CELF4: variants seen among roughly 807,000 people sequenced by gnomAD.
CELF4 encodes the protein CUGBP Elav-like family member 4.
A neutral mutation model predicts 59.9 loss-of-function variants in CELF4; 18 were observed. That is an observed-to-expected ratio of 0.30 (90% CI 0.21 to 0.45). The LOEUF (loss-of-function observed/expected upper bound fraction) is 0.45, where lower values mean the gene tolerates loss of function less well. CELF4 is among the 20% of genes least tolerant of loss of function. The pLI, the probability that CELF4 is intolerant of heterozygous loss-of-function variation, is 1.00. For synonymous variants in CELF4, 261 were observed against 267.1 expected (o/e 0.98, Z 0.22); for missense variants, 456 against 689.0 (o/e 0.66, Z 3.79).
chr18:37,520,640 G>A (rs1364729062), intron 1 of CELF4, among the ~76,000 whole-genome samples: 1 of 152,158 alleles, frequency 6.6e-6, no homozygotes, highest in Non-Finnish European at 1.5e-5. Context: ...TGTCTAGCTG[G>A]CTGGTTCCCG....
chr18:37,398,549 G>A (rs1007005068), intron 2 of CELF4, among the ~76,000 whole-genome samples: 9 of 152,262 alleles, frequency 5.9e-5, no homozygotes, highest in African/African-American at 2.2e-4. Context: ...GAGGCCACTG[G>A]CCCGTCAAAG....
At chr18:37,408,454 A>G (rs1032048206) in intron 2 of CELF4, among the ~76,000 whole-genome samples, 28 of 129,184 alleles carry the variant, frequency 2.2e-4, no homozygotes, top group African/African-American at 7.3e-4. Context: ...GGAAAAATCA[A>G]GAAGGTTTTT....
intron 2 of CELF4, among the ~76,000 whole-genome samples, chr18:37,394,219 C>T (rs963393756): frequency 1.3e-5 from 2 of 152,168 alleles, no homozygotes. Context: ...CCACCTCCCA[C>T]TCTGGACAGG....
At chr18:37,424,243 A>T (rs1313937948) in intron 2 of CELF4, among the ~76,000 whole-genome samples, 1 of 152,156 alleles carries the variant, frequency 6.6e-6, no homozygotes, top group African/African-American at 2.4e-5. Flanking sequence ...CTTATCTAAC[A>T]TGCTGGTAGA....
intron 2 of CELF4, among the ~76,000 whole-genome samples, chr18:37,453,590 G>A (rs969167334): frequency 1.3e-5 from 2 of 152,192 alleles, no homozygotes; most frequent in Admixed American, 6.5e-5. Context: ...GATTTCCATG[G>A]AGAGAGGTCA....
At chr18:37,313,938 G>A (rs2096769532) in intron 3 of CELF4, among the ~76,000 whole-genome samples, 1 of 152,208 alleles carries the variant, frequency 6.6e-6, no homozygotes, top group Admixed American at 6.5e-5. Context: ...ATGGTGAGGG[G>A]GGATGCCCTG....
rs1435122467 is a variant in CELF4 at position 37,304,782 on chromosome 18, G to A, written c.448+17021C>T. On this transcript the variant is annotated intron_variant, in intron 3 of 12. Transcript: ENST00000420428. ...GCTTCCTTTCGGGGGAAGTAGAAGCGGAGCACCCAACTAAGCAGTGCTGCC... is the reference window on the plus strand; with the variant it reads ...GCTTCCTTTCGGGGGAAGTAGAAGCAGAGCACCCAACTAAGCAGTGCTGCC... 3.9e-5 allele frequency among the ~76,000 whole-genome samples: 6 copies of A among 152,304 alleles called. No individual in the cohort carries two copies. The South Asian group carries it at 6.2e-4, about 16-fold the overall frequency.
chr18:37,333,028 C>T (rs2097604022), intron 2 of CELF4, among the ~76,000 whole-genome samples: 1 of 152,230 alleles, frequency 6.6e-6, no homozygotes. Flanking sequence ...GGGTCGCTAA[C>T]CCTCTTCAGG....
At chr18:37,340,241 G>A (rs1043451684) in intron 2 of CELF4, among the ~76,000 whole-genome samples, 2 of 152,232 alleles carry the variant, frequency 1.3e-5, no homozygotes, top group Non-Finnish European at 2.9e-5. Flanking sequence ...GAAATGCCAC[G>A]TTAAGTGAGA....
In CELF4 at chr18:37,467,693, A is replaced by C. The variant is rs77690443; in HGVS notation, c.369+17832T>G. 4.6e-3 allele frequency among the ~76,000 whole-genome samples: 696 copies of C among 152,332 alleles called. 9 individuals carry two copies. The highest frequency in any genetic ancestry group is 0.016 in the African/African-American group (674 of 41,582). On this transcript the variant is annotated intron_variant, in intron 2 of 12. Transcript: ENST00000420428. Reference sequence around the variant, plus strand: ...CCAAGTCACACAGCTGCCAGAGTTCAGACAGATGCTGTGATTAGCATTTTA... The same window carrying C: ...CCAAGTCACACAGCTGCCAGAGTTCCGACAGATGCTGTGATTAGCATTTTA...
chr18:37,460,576 G>A (rs2154602130), intron 2 of CELF4, among the ~76,000 whole-genome samples: 1 of 152,284 alleles, frequency 6.6e-6, no homozygotes, highest in East Asian at 1.9e-4. Context: ...AAGAAACTGA[G>A]CTCTAGATAT....
At chr18:37,472,580 G>C (rs2099836529) in intron 2 of CELF4, among the ~76,000 whole-genome samples, 1 of 152,264 alleles carries the variant, frequency 6.6e-6, no homozygotes, top group Non-Finnish European at 1.5e-5. Flanking sequence ...ACTGCTCCTG[G>C]ATGAAAGAAC....
intron 8 of CELF4, among the ~76,000 whole-genome samples, chr18:37,269,846 A>G (rs929254648): frequency 3.3e-5 from 5 of 152,182 alleles, no homozygotes; most frequent in African/African-American, 4.8e-5. Context: ...TGTGTTCCCA[A>G]TGGACTCTGA....
chr18:37,483,644 G>A (rs932589350), intron 2 of CELF4, among the ~76,000 whole-genome samples: 5 of 152,242 alleles, frequency 3.3e-5, no homozygotes, highest in Admixed American at 1.3e-4. Flanking sequence ...ATGGGGAACA[G>A]TGTTAATTAT....
At chr18:37,275,370 G>GGCGGGGGAGAGGT (rs2092948076) in intron 3 of CELF4, 127 bp from the exon 4 acceptor site, 1 of 929,582 alleles carries the variant, frequency 1.1e-6, no homozygotes, top group South Asian at 1.8e-5. Flanking sequence ...GCTCGGAGCC[G>GGCGGGGGAGAGGT]GCGGGGGAGA....
intron 2 of CELF4, among the ~76,000 whole-genome samples, chr18:37,392,817 C>T (rs140849081): frequency 2.4e-3 from 362 of 152,336 alleles, no homozygotes; most frequent in African/African-American, 8.4e-3. Context: ...GTAGGGGCTT[C>T]CCTGACACCA....
At chr18:37,276,867 C>T (rs1048136857) in intron 3 of CELF4, among the ~76,000 whole-genome samples, 2 of 152,202 alleles carry the variant, frequency 1.3e-5, no homozygotes, top group African/African-American at 4.8e-5. Flanking sequence ...GACACACAGC[C>T]AAAGCTGCAG....
intron 2 of CELF4, among the ~76,000 whole-genome samples, chr18:37,367,270 A>T (rs530848686): frequency 2.0e-5 from 3 of 152,004 alleles, no homozygotes; most frequent in Non-Finnish European, 2.9e-5. Context: ...GACAGAAAGG[A>T]AACAGTGTTA....
chr18:37,266,944 G>T (rs369621417), intron 8 of CELF4, among the ~76,000 whole-genome samples: 3 of 152,110 alleles, frequency 2.0e-5, no homozygotes, highest in African/African-American at 7.2e-5. Flanking sequence ...TGGTGGGGGG[G>T]GACACACAAG....
Sources: allele counts gnomAD v4.1 joint callset (sites outside exome capture counted in the v4.1 genomes callset), GRCh38; gene constraint gnomAD v4.1.1; transcripts MANE v1.5; gene names NCBI Gene and HGNC (gene_info 2026-07-23, HGNC 2026-07-21).